RUNX2: variants seen among roughly 807,000 people sequenced by gnomAD.
RUNX2 encodes the protein RUNX family transcription factor 2.
RUNX2 carries 10 observed loss-of-function variants against 51.7 expected under a neutral mutation model. That is an observed-to-expected ratio of 0.19 (90% CI 0.12 to 0.33). The LOEUF is 0.33. RUNX2 is among the 10% of genes least tolerant of loss of function. The pLI, the probability that RUNX2 is intolerant of heterozygous loss-of-function variation, is 1.00. For missense variants in RUNX2, 562 were observed against 691.3 expected (o/e 0.81, Z 2.10); for synonymous variants, 276 against 273.6 (o/e 1.01, Z -0.09).
chr6:45,504,561 T>C (rs7773875), intron 6 of RUNX2, among the ~76,000 whole-genome samples: 37,589 of 152,072 alleles, frequency 0.25, 5,433 homozygotes, highest in African/African-American at 0.4. Flanking sequence ...CATTCTAAAA[T>C]TCCAGTCTTG....
At chr6:45,444,417 C>T (rs999949010) in intron 5 of RUNX2, among the ~76,000 whole-genome samples, 5 of 152,194 alleles carry the variant, frequency 3.3e-5, no homozygotes, top group East Asian at 1.9e-4. Flanking sequence ...TTTTTCCCTC[C>T]GGTGATCTAG....
At chr6:45,332,653 A>G (rs1481489288) in intron 2 of RUNX2, among the ~76,000 whole-genome samples, 2 of 151,860 alleles carry the variant, frequency 1.3e-5, no homozygotes, top group African/African-American at 4.8e-5. Context: ...ATCTTTAGAC[A>G]TTTTATATGA....
At chr6:45,423,983 T>A (rs1007873080) in intron 3 of RUNX2, among the ~76,000 whole-genome samples, 1 of 152,212 alleles carries the variant, frequency 6.6e-6, no homozygotes, top group Non-Finnish European at 1.5e-5. Context: ...AAATTTTGTA[T>A]TTTTGCTTTA....
At chr6:45,417,537 A>G (rs942281193) in intron 2 of RUNX2, among the ~76,000 whole-genome samples, 11 of 152,234 alleles carry the variant, frequency 7.2e-5, no homozygotes, top group African/African-American at 9.6e-5. Flanking sequence ...TCTGAACCAC[A>G]TGCACACCCA....
chr6:45,437,058 G>A (rs1415183979), intron 4 of RUNX2, among the ~76,000 whole-genome samples: 1 of 152,178 alleles, frequency 6.6e-6, no homozygotes, highest in Non-Finnish European at 1.5e-5. Flanking sequence ...ACAACTGTTA[G>A]TAAGTCTGTG....
chr6:45,367,274 A>T (rs912585068), intron 2 of RUNX2, among the ~76,000 whole-genome samples: 1 of 152,154 alleles, frequency 6.6e-6, no homozygotes, highest in South Asian at 2.1e-4. Context: ...AGGAAAACAA[A>T]AACGTTCCAC....
At chr6:45,526,002 A>G (rs1333356877) in intron 7 of RUNX2, among the ~76,000 whole-genome samples, 2 of 152,064 alleles carry the variant, frequency 1.3e-5, no homozygotes, top group Non-Finnish European at 2.9e-5. Flanking sequence ...AAAAAAAAAG[A>G]AAACTAAATA....
rs532943356 is a variant in RUNX2, at chr6:45,422,974, C to T, written c.423+17C>T. Reference sequence around the variant, plus strand: ...GCCTTCAAGGTAAGAGGCTACACCGCCCCCCGCCCCCGGCCGGGAGCGGCG... The same window carrying T: ...GCCTTCAAGGTAAGAGGCTACACCGTCCCCCGCCCCCGGCCGGGAGCGGCG... On this transcript the variant is annotated intron_variant, in intron 3 of 8. Transcript: ENST00000647337. 311 of 1,605,088 alleles carry T rather than the reference C, an allele frequency of 1.9e-4. No individual in the cohort carries two copies. In the East Asian group the frequency reaches 3.3e-3, roughly 17 times the overall value.
At chr6:45,429,302 A>T (rs1256324408) in intron 3 of RUNX2, among the ~76,000 whole-genome samples, 6 of 152,196 alleles carry the variant, frequency 3.9e-5, no homozygotes, top group Non-Finnish European at 7.3e-5. Flanking sequence ...TTACTTTGAC[A>T]TAGAAAGCCA....
At chr6:45,331,106 TG>T (rs1787393799) in intron 2 of RUNX2, among the ~76,000 whole-genome samples, 1 of 97,376 alleles carries the variant, frequency 1.0e-5, no homozygotes, top group Non-Finnish European at 2.8e-5. Flanking sequence ...CAATGAGTGG[TG>T]TGTGTGTGTG....
chr6:45,497,312 C>T (rs1003861431), intron 6 of RUNX2, among the ~76,000 whole-genome samples: 1 of 152,044 alleles, frequency 6.6e-6, no homozygotes, highest in Non-Finnish European at 1.5e-5. Context: ...AGGAAGTGCA[C>T]AGGATATTTT....
chr6:45,381,915 G>A (rs998579070), intron 2 of RUNX2, among the ~76,000 whole-genome samples: 4 of 152,306 alleles, frequency 2.6e-5, no homozygotes, highest in African/African-American at 4.8e-5. Context: ...AAATTTTACA[G>A]TACCAGGTAG....
chr6:45,489,315 C>T (rs114392005), intron 5 of RUNX2, among the ~76,000 whole-genome samples: 161 of 152,278 alleles, frequency 1.1e-3, no homozygotes, highest in African/African-American at 3.7e-3. Context: ...ATTTTTCACA[C>T]TTACCAGTCC....
At chr6:45,422,530 C>A in intron 2 of RUNX2, 63 bp from the exon 3 acceptor site, 2 of 1,365,764 alleles carry the variant, frequency 1.5e-6, no homozygotes, top group Non-Finnish European at 2.0e-6. Context: ...CTCATTTCCA[C>A]CCTCCTCCCC....
At chr6:45,353,594 C>CT (rs1160451211) in intron 2 of RUNX2, among the ~76,000 whole-genome samples, 3 of 151,774 alleles carry the variant, frequency 2.0e-5, no homozygotes, top group Non-Finnish European at 2.9e-5. Context: ...ATTATTCTAA[C>CT]TTAGAACCCT....
chr6:45,534,708 A>T (rs1296364390), intron 7 of RUNX2, among the ~76,000 whole-genome samples: 1 of 152,232 alleles, frequency 6.6e-6, no homozygotes, highest in African/African-American at 2.4e-5. Context: ...TTAGTTGAAG[A>T]TGTACAGACA....
intron 2 of RUNX2, among the ~76,000 whole-genome samples, chr6:45,366,717 T>A (rs918834887): frequency 1.4e-4 from 21 of 152,194 alleles, no homozygotes; most frequent in African/African-American, 4.1e-4. Flanking sequence ...ACTGATGACA[T>A]CACTACAACT....
intron 2 of RUNX2, among the ~76,000 whole-genome samples, chr6:45,359,090 C>G (rs1191702877): frequency 6.6e-6 from 1 of 152,092 alleles, no homozygotes; most frequent in Non-Finnish European, 1.5e-5. Context: ...CTGGTAATTA[C>G]ACATATAATC....
rs1466891104 is a variant in RUNX2 at position 45,484,028 on chromosome 6, A to G, written c.686-7913A>G. Among the ~76,000 whole-genome samples the G allele has an allele frequency of 3.3e-5, 5 of 152,364 alleles. No individual in the cohort carries two copies. In the East Asian group the frequency reaches 9.6e-4, roughly 29 times the overall value. On this transcript the variant is annotated intron_variant, in intron 5 of 8. Transcript: ENST00000647337. ...GAAAGGTTTTGAGCAGGTAAGTGAC[A>G]TGAATGTTAGGATTTGGGGGCAGAA...
Sources: gnomAD v4.1 joint callset for allele counts (sites outside exome capture counted in the v4.1 genomes callset) on GRCh38, gnomAD v4.1.1 for gene constraint, MANE v1.5 for transcripts, NCBI Gene and HGNC (gene_info 2026-07-23, HGNC 2026-07-21) for gene names.